CHL1: variants seen among roughly 807,000 people sequenced by gnomAD.
CHL1 encodes the protein neural cell adhesion molecule L1-like protein.
Under a neutral mutation model 141.9 loss-of-function variants are expected in CHL1, and 96 were observed. The observed-to-expected ratio is 0.68, with a 90% CI of 0.57 to 0.80. CHL1 has a LOEUF of 0.80. CHL1 is among the 30% of genes least tolerant of loss of function. The pLI is 0.00. For missense variants in CHL1, 1,820 were observed against 1,457.2 expected, an observed-to-expected ratio of 1.25 and a Z score of -4.05; for synonymous variants, 613 against 502.2, an observed-to-expected ratio of 1.22 and a Z score of -2.95.
intron 2 of CHL1, among the ~76,000 whole-genome samples, chr3:256,497 G>C (rs182854410): frequency 6.6e-6 from 1 of 152,184 alleles, no homozygotes; most frequent in Non-Finnish European, 1.5e-5. Flanking sequence ...TCGCCCTTCA[G>C]GAGCATTTGG....
intron 15 of CHL1, among the ~76,000 whole-genome samples, chr3:370,357 C>A (rs761552180): frequency 2.2e-4 from 34 of 152,112 alleles, no homozygotes; most frequent in Non-Finnish European, 3.1e-4. Flanking sequence ...ATGTCCATTT[C>A]TTCTAGATTT....
At chr3:346,243 C>T (rs1702761007) in intron 9 of CHL1, among the ~76,000 whole-genome samples, 1 of 152,164 alleles carries the variant, frequency 6.6e-6, no homozygotes, top group Non-Finnish European at 1.5e-5. Context: ...GTCTTCAACT[C>T]CCAATGTGTA....
intron 27 of CHL1, among the ~76,000 whole-genome samples, chr3:404,834 A>G (rs1040637039): frequency 1.3e-5 from 2 of 152,184 alleles, no homozygotes; most frequent in Non-Finnish European, 2.9e-5. Context: ...TAGGGCTACT[A>G]TAACAAAATA....
At chr3:329,708 C>T (rs1162590781) in intron 5 of CHL1, among the ~76,000 whole-genome samples, 1 of 151,768 alleles carries the variant, frequency 6.6e-6, no homozygotes, top group Non-Finnish European at 1.5e-5. Context: ...CTTTTTACAA[C>T]ACATCTATCT....
At chr3:230,898 CT>C (rs1031864099) in intron 1 of CHL1, among the ~76,000 whole-genome samples, 2 of 152,038 alleles carry the variant, frequency 1.3e-5, no homozygotes. Flanking sequence ...ATTTTTGAGA[CT>C]GTTGTTATTG....
intron 15 of CHL1, chr3:374,154 T>C (rs1040851144): frequency 6.6e-6 from 1 of 152,092 alleles, no homozygotes; most frequent in East Asian, 1.9e-4. Flanking sequence ...TATTTATGTG[T>C]GAGCCGCCTC....
chr3:388,411 G>T (rs1409606228), intron 19 of CHL1, among the ~76,000 whole-genome samples: 7 of 151,898 alleles, frequency 4.6e-5, no homozygotes, highest in African/African-American at 9.7e-5. Context: ...GCCGGGCGTG[G>T]TGGTGCATGC....
intron 15 of CHL1, among the ~76,000 whole-genome samples, chr3:376,141 G>A (rs1230362812): frequency 6.6e-6 from 1 of 152,184 alleles, no homozygotes; most frequent in Non-Finnish European, 1.5e-5. Flanking sequence ...ACTTTTTAAA[G>A]CAGAATCCCA....
chr3:197,634 G>A (rs761171905), intron 1 of CHL1: 4 of 367,142 alleles, frequency 1.1e-5, no homozygotes, highest in South Asian at 8.0e-5. Context: ...CCAGCCCGGG[G>A]GGGGTTCCGA....
At chr3:355,844 G>A (rs1232509768) in intron 11 of CHL1, among the ~76,000 whole-genome samples, 2 of 152,326 alleles carry the variant, frequency 1.3e-5, no homozygotes, top group Non-Finnish European at 2.9e-5. Flanking sequence ...AAACTCTGGA[G>A]CCAGACTGCC....
rs187745096 is a variant in CHL1 at position 381,824 on chromosome 3, T to A, written c.1877-355T>A. ...TCTCCATGCCAGCAAAGTTATTTGG[T>A]GAGAGTCTGGGTTCCAGAAAAACAA... On this transcript the variant is annotated intron_variant, in intron 16 of 27. Transcript: ENST00000256509. Among the ~76,000 whole-genome samples the A allele has an allele frequency of 1.6e-3, 245 of 152,258 alleles. 1 individual carries two copies. The highest frequency in any genetic ancestry group is 5.5e-3 in the African/African-American group (228 of 41,564).
chr3:323,484 T>C (rs1265824756), intron 3 of CHL1, among the ~76,000 whole-genome samples: 1 of 152,038 alleles, frequency 6.6e-6, no homozygotes, highest in African/African-American at 2.4e-5. Context: ...AAAAGTAAAA[T>C]GGTTTAATGG....
At chr3:309,392 C>CT (rs142838718) in intron 2 of CHL1, 15,474 of 133,484 alleles carry the variant, frequency 0.12, 1,044 homozygotes, top group East Asian at 0.31. Context: ...TCCTTCCTTC[C>CT]TCCTTCCTTC....
rs1702618599 is a variant in CHL1 at position 344,724 on chromosome 3, T to C, written c.848+15T>C. 2 of 1,612,636 alleles carry C rather than the reference T, an allele frequency of 1.2e-6. No homozygotes were observed. Among genetic ancestry groups the C allele is most frequent in the Non-Finnish European group, 1.7e-6 (2 of 1,179,296 alleles). On this transcript the variant is annotated intron_variant, in intron 9 of 27. Transcript: ENST00000256509. ...GCTGAAGGCTTGTGAGTAACCTGAC[T>C]CTCACTCATGACTTTGTCCATCCAG...
chr3:318,936 T>C (rs1700341169), intron 2 of CHL1, among the ~76,000 whole-genome samples: 1 of 151,642 alleles, frequency 6.6e-6, no homozygotes. Flanking sequence ...GTCTTAGCCA[T>C]TAACACTCAT....
At position 393,569 on chromosome 3, in the gene CHL1, A is replaced by G. The variant is rs192702626; in HGVS notation, c.2915-1124A>G. On this transcript the variant is annotated intron_variant, in intron 23 of 27. Coordinates refer to ENST00000256509, the MANE Select transcript of CHL1 (RefSeq NM_006614.4). ...CTTGATATGTGTATTTTAAAATAAA[A>G]TAATATATAATTATTTTGCTTTCTA... 2.3e-3 allele frequency among the ~76,000 whole-genome samples: 348 copies of G among 152,158 alleles called. 1 individual carries two copies. The highest frequency in any genetic ancestry group is 3.6e-3 in the Non-Finnish European group (247 of 67,978).
rs772373318 is a variant in CHL1, at chr3:198,426, C to G, written c.-175+1363C>G. ...TGGCGATGGTAACTGGTGGGCCCCC[C>G]GGGCTCGCTCTAGGCGGAGGCTCCC... is the stretch of plus-strand genomic sequence containing the variant. On this transcript the variant is annotated intron_variant, in intron 1 of 27. Transcript: ENST00000256509. Among the ~76,000 whole-genome samples the G allele has an allele frequency of 2.3e-4, 35 of 152,300 alleles. No individual in the cohort carries two copies. In the South Asian group the frequency reaches 3.9e-3, roughly 17 times the overall value.
Position 408,969 on chromosome 3 carries a change from G to A in CHL1, c.*3258G>A, listed in dbSNP as rs1228198708. 1 of 151,994 alleles carries A rather than the reference G, an allele frequency of 6.6e-6. No individual in the cohort carries two copies. The highest frequency in any genetic ancestry group is 1.5e-5 in the Non-Finnish European group (1 of 67,970). 9.4% of individuals were successfully genotyped at this position (151,994 alleles called of 1,614,324 possible). A position where few individuals can be genotyped will look rare whatever the true frequency, so the allele number is the denominator to read the frequency against. On this transcript the variant is annotated 3_prime_UTR_variant, in exon 28 of 28. Coordinates refer to ENST00000256509, the MANE Select transcript of CHL1 (RefSeq NM_006614.4). ...CATGGAAGAGATAAGCTAAAGAGGGGACAATAATGAGAAATGTTGGTGTGC... is the reference window on the plus strand; with the variant it reads ...CATGGAAGAGATAAGCTAAAGAGGGAACAATAATGAGAAATGTTGGTGTGC...
intron 2 of CHL1, among the ~76,000 whole-genome samples, chr3:298,261 C>T (rs1470230090): frequency 6.6e-6 from 1 of 152,120 alleles, no homozygotes; most frequent in African/African-American, 2.4e-5. Context: ...TAAAAAGAGA[C>T]CCCATGGATC....
Sources: gnomAD v4.1 joint callset for allele counts (sites outside exome capture counted in the v4.1 genomes callset) on GRCh38, gnomAD v4.1.1 for gene constraint, MANE v1.5 for transcripts, NCBI Gene and HGNC (gene_info 2026-07-23, HGNC 2026-07-21) for gene names.